Variants in MDGA2 observed in about 807,000 individuals in gnomAD.
The protein encoded by MDGA2 is MAM domain containing glycosylphosphatidylinositol anchor 2, also known as MAM domain-containing glycosylphosphatidylinositol anchor protein 2.
A neutral mutation model predicts 117.8 loss-of-function variants in MDGA2; 40 were observed. That is an observed-to-expected ratio of 0.34 (90% CI 0.26 to 0.44). The LOEUF is 0.44. Among genes scored for constraint, MDGA2 ranks in the 20% least tolerant of loss-of-function variants. MDGA2 has a pLI of 1.00. For missense variants in MDGA2, 1,123 were observed against 1,250.6 expected, an observed-to-expected ratio of 0.90 and a Z score of 1.54; for synonymous variants, 452 against 439.0, an observed-to-expected ratio of 1.03 and a Z score of -0.37.
intron 1 of MDGA2, among the ~76,000 whole-genome samples, chr14:47,664,965 A>T (rs886124904): frequency 5.9e-5 from 9 of 152,220 alleles, no homozygotes; most frequent in African/African-American, 2.2e-4. Context: ...TATATATCTG[A>T]GCAAGTTCCA....
At chr14:47,593,944 T>C (rs1466395855) in intron 1 of MDGA2, among the ~76,000 whole-genome samples, 1 of 152,178 alleles carries the variant, frequency 6.6e-6, no homozygotes, top group Non-Finnish European at 1.5e-5. Flanking sequence ...GGTTAGTTAC[T>C]GCAAATATTT....
At chr14:47,201,108 C>G in intron 3 of MDGA2, 1 of 803,124 alleles carries the variant, frequency 1.2e-6, no homozygotes, top group Non-Finnish European at 2.3e-6. Flanking sequence ...CCGCCATCTT[C>G]GGCAGCAGCT....
intron 5 of MDGA2, among the ~76,000 whole-genome samples, chr14:47,098,131 C>A (rs112376954): frequency 2.6e-5 from 4 of 151,116 alleles, no homozygotes; most frequent in African/African-American, 7.3e-5. Context: ...CAATCTACAT[C>A]GGAAATATTT....
intron 1 of MDGA2, among the ~76,000 whole-genome samples, chr14:47,493,145 A>C (rs1894207425): frequency 6.6e-6 from 1 of 151,822 alleles, no homozygotes; most frequent in Admixed American, 6.6e-5. Flanking sequence ...TGCAATCTTT[A>C]AGGTAAGACC....
intron 2 of MDGA2, among the ~76,000 whole-genome samples, chr14:47,230,996 T>C (rs1886670869): frequency 1.3e-5 from 2 of 152,114 alleles, no homozygotes; most frequent in South Asian, 4.1e-4. Context: ...CTTAAAAAGA[T>C]AAGAAATGTA....
rs185146279 is a variant in MDGA2 at position 47,083,432 on chromosome 14, G to A, written c.1195+13422C>T. 1.2e-3 allele frequency among the ~76,000 whole-genome samples: 189 copies of A among 151,826 alleles called. 1 individual carries two copies. Among genetic ancestry groups the A allele is most frequent in the Non-Finnish European group, 1.0e-3 (70 of 67,850 alleles). ...AACCTGAAATATGCAATTATACTTA[G>A]TGAAAGGAATAGGGAAAAGTACACT... On this transcript the variant is annotated intron_variant, in intron 6 of 16. Transcript: ENST00000399232.
intron 6 of MDGA2, among the ~76,000 whole-genome samples, chr14:47,079,010 TA>T (rs1172671215): frequency 1.3e-5 from 2 of 151,408 alleles, no homozygotes; most frequent in African/African-American, 4.9e-5. Context: ...CAACTTTTTT[TA>T]GATTCCACAT....
At chr14:47,190,205 C>T (rs993511177) in intron 3 of MDGA2, among the ~76,000 whole-genome samples, 1 of 152,140 alleles carries the variant, frequency 6.6e-6, no homozygotes, top group Non-Finnish European at 1.5e-5. Flanking sequence ...GGCCACTTTG[C>T]TGATTTAAGA....
At chr14:46,844,371 G>A (rs1880734870) in intron 16 of MDGA2, among the ~76,000 whole-genome samples, 1 of 152,060 alleles carries the variant, frequency 6.6e-6, no homozygotes, top group Non-Finnish European at 1.5e-5. Context: ...CCTGAGGTCG[G>A]GAGTTCGAGA....
chr14:47,289,977 C>T (rs1285931514), intron 2 of MDGA2, among the ~76,000 whole-genome samples: 1 of 152,254 alleles, frequency 6.6e-6, no homozygotes, highest in South Asian at 2.1e-4. Context: ...TAGGACCAAA[C>T]AAATCCTTAC....
chr14:47,363,225 A>ATTAT (rs888511619), intron 1 of MDGA2, among the ~76,000 whole-genome samples: 1 of 151,930 alleles, frequency 6.6e-6, no homozygotes. Flanking sequence ...GTTGTATCAA[A>ATTAT]TTATTTATTT....
chr14:47,416,908 G>C (rs750353673), intron 1 of MDGA2, among the ~76,000 whole-genome samples: 2 of 152,126 alleles, frequency 1.3e-5, no homozygotes, highest in Non-Finnish European at 2.9e-5. Context: ...TAATGGAAAG[G>C]GCATAATCTC....
chr14:47,553,390 CT>C (rs1479023481), intron 1 of MDGA2, among the ~76,000 whole-genome samples: 2 of 152,166 alleles, frequency 1.3e-5, no homozygotes, highest in Non-Finnish European at 1.5e-5. Context: ...CTTGGAACTC[CT>C]TCTAGGCATT....
At chr14:47,392,747 A>G (rs1276885320) in intron 1 of MDGA2, among the ~76,000 whole-genome samples, 1 of 152,148 alleles carries the variant, frequency 6.6e-6, no homozygotes, top group Non-Finnish European at 1.5e-5. Context: ...GTAGACATAC[A>G]TATTTTTAAA....
chr14:47,083,932 A>C (rs1348835475), intron 6 of MDGA2, among the ~76,000 whole-genome samples: 2 of 152,152 alleles, frequency 1.3e-5, no homozygotes, highest in East Asian at 3.8e-4. Flanking sequence ...TATGTGAAGC[A>C]AAAACAGATA....
intron 10 of MDGA2, among the ~76,000 whole-genome samples, chr14:46,900,241 C>T (rs1018052215): frequency 6.6e-6 from 1 of 152,086 alleles, no homozygotes; most frequent in African/African-American, 2.4e-5. Context: ...GAAAGTGGCT[C>T]ACTCATATAT....
At chr14:47,145,817 A>G (rs543250303) in intron 3 of MDGA2, among the ~76,000 whole-genome samples, 1 of 152,254 alleles carries the variant, frequency 6.6e-6, no homozygotes, top group South Asian at 2.1e-4. Context: ...AAAGTTGGCT[A>G]TTACTATTAT....
At chr14:47,271,686 A>G (rs1888148892) in intron 2 of MDGA2, among the ~76,000 whole-genome samples, 1 of 152,178 alleles carries the variant, frequency 6.6e-6, no homozygotes, top group Admixed American at 6.6e-5. Context: ...TTCTCCCTTT[A>G]GACATAAAAC....
chr14:47,627,734 C>A (rs549926373), intron 1 of MDGA2, among the ~76,000 whole-genome samples: 1 of 152,146 alleles, frequency 6.6e-6, no homozygotes, highest in Non-Finnish European at 1.5e-5. Context: ...CCGCTGGGGT[C>A]CCCTTCCACA....
Sources: allele counts gnomAD v4.1 joint callset (sites outside exome capture counted in the v4.1 genomes callset), GRCh38; gene constraint gnomAD v4.1.1; transcripts MANE v1.5; gene names NCBI Gene and HGNC (gene_info 2026-07-23, HGNC 2026-07-21).